CNTN5: variants seen among roughly 807,000 people sequenced by gnomAD.
The protein encoded by CNTN5 is contactin-5.
A neutral mutation model predicts 129.1 loss-of-function variants in CNTN5; 77 were observed. The ratio of observed to expected loss-of-function variants is 0.60; its 90% CI spans 0.50 to 0.72. The LOEUF (loss-of-function observed/expected upper bound fraction) is 0.72, where lower values mean the gene tolerates loss of function less well. CNTN5 is among the 30% of genes least tolerant of loss of function. CNTN5 has a pLI of 0.00. For synonymous variants in CNTN5, 509 were observed against 465.6 expected, an observed-to-expected ratio of 1.09 and a Z score of -1.20; for missense variants, 1,478 against 1,328.8, an observed-to-expected ratio of 1.11 and a Z score of -1.75.
At chr11:99,223,372 A>T (rs1213601104) in intron 1 of CNTN5, among the ~76,000 whole-genome samples, 2 of 152,162 alleles carry the variant, frequency 1.3e-5, no homozygotes, top group Non-Finnish European at 2.9e-5. Context: ...CATCAATATA[A>T]AATTATCTTT....
At chr11:100,289,440 C>T (rs554004999) in intron 18 of CNTN5, among the ~76,000 whole-genome samples, 14 of 150,846 alleles carry the variant, frequency 9.3e-5, no homozygotes, top group African/African-American at 3.4e-4. Flanking sequence ...CCCTGGGATG[C>T]AAGGCTGGTT....
At chr11:100,209,664 T>C (rs11606265) in intron 15 of CNTN5, among the ~76,000 whole-genome samples, 26,582 of 152,184 alleles carry the variant, frequency 0.17, 2,976 homozygotes, top group South Asian at 0.42. Context: ...AAATAATCCT[T>C]GTTAAATGTT....
intron 1 of CNTN5, among the ~76,000 whole-genome samples, chr11:99,310,768 G>T (rs1055694340): frequency 6.6e-6 from 1 of 152,144 alleles, no homozygotes; most frequent in East Asian, 1.9e-4. Flanking sequence ...TGAAATAATA[G>T]ACTATATACT....
At chr11:99,558,769 A>G (rs558409872) in intron 3 of CNTN5, among the ~76,000 whole-genome samples, 1 of 152,188 alleles carries the variant, frequency 6.6e-6, no homozygotes, top group Non-Finnish European at 1.5e-5. Context: ...GTGGCATTTC[A>G]AATGTTATAG....
chr11:99,979,890 C>T (rs1208665995), intron 8 of CNTN5, among the ~76,000 whole-genome samples: 1 of 152,184 alleles, frequency 6.6e-6, no homozygotes, highest in Non-Finnish European at 1.5e-5. Context: ...AGTCCTGGCT[C>T]TGGCATTTAA....
chr11:99,117,345 C>T (rs1163696314), intron 1 of CNTN5, among the ~76,000 whole-genome samples: 1 of 152,112 alleles, frequency 6.6e-6, no homozygotes, highest in African/African-American at 2.4e-5. Flanking sequence ...ATCTGAGTGG[C>T]CTGCTTTGTA....
At chr11:99,123,760 C>T (rs767045461) in intron 1 of CNTN5, among the ~76,000 whole-genome samples, 1 of 151,694 alleles carries the variant, frequency 6.6e-6, no homozygotes. Flanking sequence ...CAATCTTCTG[C>T]CTATGGCTAG....
In CNTN5 at chr11:100,356,306, T is replaced by A. The variant is rs1952524204; in HGVS notation, c.*86T>A. On this transcript the variant is annotated 3_prime_UTR_variant, in exon 25 of 25. Coordinates refer to ENST00000524871, the MANE Select transcript of CNTN5 (RefSeq NM_014361.4). ...TAGTGTAAGTGGAGAACCAGGATCC[T>A]GAGATGAGCTTGAGCTTTAAAAACT... 1.1e-6 allele frequency: 1 copy of A among 909,160 alleles called. No homozygotes were observed. 56.3% of individuals were successfully genotyped at this position (909,160 alleles called of 1,614,324 possible).
intron 3 of CNTN5, among the ~76,000 whole-genome samples, chr11:99,747,460 CTTTT>C (rs55790126): frequency 3.5e-5 from 3 of 85,748 alleles, no homozygotes; most frequent in South Asian, 4.5e-4. Flanking sequence ...AGTCAGCATC[CTTTT>C]TTTTTTTTTT....
intron 3 of CNTN5, among the ~76,000 whole-genome samples, chr11:99,716,932 C>G (rs1046942352): frequency 1.3e-5 from 2 of 152,038 alleles, no homozygotes; most frequent in Non-Finnish European, 2.9e-5. Flanking sequence ...TAGTTTCATA[C>G]TCAAGGAGTA....
intron 16 of CNTN5, among the ~76,000 whole-genome samples, chr11:100,255,280 C>T (rs1259189633): frequency 6.6e-6 from 1 of 152,158 alleles, no homozygotes; most frequent in South Asian, 2.1e-4. Flanking sequence ...GCTATGTGTA[C>T]TTGATAGTAC....
intron 1 of CNTN5, among the ~76,000 whole-genome samples, chr11:99,127,081 A>G (rs778715660): frequency 1.4e-4 from 21 of 152,010 alleles, no homozygotes; most frequent in Non-Finnish European, 2.8e-4. Context: ...CAGCTTCAGA[A>G]CTCAATAGTT....
chr11:99,301,700 A>G lies in CNTN5; in HGVS notation c.-209-23646A>G, dbSNP rs962953302. Among the ~76,000 whole-genome samples, 5 of 151,780 alleles carry G rather than the reference A, an allele frequency of 3.3e-5. No individual in the cohort carries two copies. In the East Asian group the frequency reaches 9.6e-4, roughly 29 times the overall value. ...AACCTCTAGGCAGAAGAGAAACAAGAAAGTAGAAGACATGTACAATTCTAT... is the reference window on the plus strand; with the variant it reads ...AACCTCTAGGCAGAAGAGAAACAAGGAAGTAGAAGACATGTACAATTCTAT... On this transcript the variant is annotated intron_variant, in intron 1 of 24. Coordinates refer to ENST00000524871, the MANE Select transcript of CNTN5 (RefSeq NM_014361.4).
intron 2 of CNTN5, among the ~76,000 whole-genome samples, chr11:99,463,132 T>TAAATAAATAAATAAATAAAC (rs1944787418): frequency 2.8e-5 from 4 of 145,410 alleles, no homozygotes; most frequent in African/African-American, 1.0e-4. Flanking sequence ...AATAAATAAA[T>TAAATAAATAAATAAATAAAC]AAATAAATAA....
chr11:99,877,932 G>A (rs1430510635), intron 6 of CNTN5, among the ~76,000 whole-genome samples: 1 of 152,092 alleles, frequency 6.6e-6, no homozygotes, highest in Non-Finnish European at 1.5e-5. Context: ...TTATTGCTTT[G>A]AAGGGTAGGA....
chr11:99,192,559 T>A (rs1308234373), intron 1 of CNTN5, among the ~76,000 whole-genome samples: 2 of 151,936 alleles, frequency 1.3e-5, no homozygotes, highest in Non-Finnish European at 2.9e-5. Context: ...GAATTATAAT[T>A]TGTAATTATC....
chr11:99,911,870 C>G lies in CNTN5; in HGVS notation c.578-4184C>G, dbSNP rs114970954. 5.1e-3 allele frequency among the ~76,000 whole-genome samples: 748 copies of G among 147,304 alleles called. 2 individuals carry two copies. The highest frequency in any genetic ancestry group is 0.017 in the African/African-American group (713 of 41,204). ...AATCCCCTTAGGATTGGGTATATCT[C>G]TACCTTGTTTTGGCTCCTCTTAAGT... On this transcript the variant is annotated intron_variant, in intron 6 of 24. Coordinates refer to ENST00000524871, the MANE Select transcript of CNTN5 (RefSeq NM_014361.4).
intron 2 of CNTN5, among the ~76,000 whole-genome samples, chr11:99,538,290 G>A (rs149213149): frequency 6.6e-6 from 1 of 152,206 alleles, no homozygotes; most frequent in East Asian, 1.9e-4. Flanking sequence ...AGCAGCACAC[G>A]TTCTATTTAC....
chr11:99,252,576 C>T (rs1258440813), intron 1 of CNTN5, among the ~76,000 whole-genome samples: 1 of 151,442 alleles, frequency 6.6e-6, no homozygotes, highest in Admixed American at 6.6e-5. Context: ...TATAAACATC[C>T]CCCTAGACCT....
Sources: gnomAD v4.1 joint callset for allele counts (sites outside exome capture counted in the v4.1 genomes callset) on GRCh38, gnomAD v4.1.1 for gene constraint, MANE v1.5 for transcripts, NCBI Gene and HGNC (gene_info 2026-07-23, HGNC 2026-07-21) for gene names.